PARN: variants seen among roughly 807,000 people sequenced by gnomAD.
PARN encodes poly(A)-specific ribonuclease, also known as poly(A)-specific ribonuclease PARN.
In PARN, 71 loss-of-function variants were observed where a neutral mutation model predicts 102.8. The ratio of observed to expected loss-of-function variants is 0.69; its 90% CI spans 0.57 to 0.84. PARN has a LOEUF of 0.84. PARN is among the 40% of genes least tolerant of loss of function. The pLI is 0.00. For synonymous variants in PARN, 261 were observed against 252.9 expected (o/e 1.03, Z -0.30); for missense variants, 782 against 760.9 (o/e 1.03, Z -0.33).
At chr16:14,508,679 G>A (rs1965026693) in intron 21 of PARN, among the ~76,000 whole-genome samples, 1 of 151,470 alleles carries the variant, frequency 6.6e-6, no homozygotes, top group Non-Finnish European at 1.5e-5. Flanking sequence ...AACATTGTAG[G>A]CTGACAATTT....
chr16:14,541,430 G>GT (rs1966839693), intron 21 of PARN, among the ~76,000 whole-genome samples: 1 of 152,082 alleles, frequency 6.6e-6, no homozygotes, highest in African/African-American at 2.4e-5. Context: ...AAAGTTTGTA[G>GT]TTTGAGTCTA....
At chr16:14,569,188 G>C (rs929090792) in intron 18 of PARN, among the ~76,000 whole-genome samples, 1 of 151,798 alleles carries the variant, frequency 6.6e-6, no homozygotes, top group Middle Eastern at 3.2e-3. Flanking sequence ...CTCCAGCCTG[G>C]GCGATGGAGG....
intron 23 of PARN, among the ~76,000 whole-genome samples, chr16:14,443,094 T>C (rs1961017979): frequency 6.6e-6 from 1 of 152,106 alleles, no homozygotes; most frequent in Non-Finnish European, 1.5e-5. Flanking sequence ...TGGGAAAGAG[T>C]ATCTGCACCT....
At position 14,555,698 on chromosome 16, in the gene PARN, A is replaced by C; in HGVS notation, c.1274T>G (p.Met425Arg). The C allele has an allele frequency of 6.8e-7, 1 of 1,480,702 alleles. No homozygotes were observed. Among genetic ancestry groups the C allele is most frequent in the Non-Finnish European group, 9.2e-7 (1 of 1,088,980 alleles). The allele number at this position is 1,480,702 out of a possible 1,614,324, so 91.7% of individuals were successfully genotyped here. Residue 425 changes from methionine (M) to arginine (R), a missense_variant, in exon 19 of 24, where the codon ATG (methionine) becomes AGG (arginine). Met to Arg is a moderately conservative substitution (Grantham distance 91). Transcript: ENST00000437198. ...TAGATAGGGGATATCCATGACCCTC[A>C]TAAGAAATAACCTACAAGAAGAAAA... ...IEPFFNKLFLMRVMDIPYLNL... is the reference protein window; with the variant it reads ...IEPFFNKLFLRRVMDIPYLNL...
chr16:14,568,749 G>C (rs892378437), intron 18 of PARN, among the ~76,000 whole-genome samples: 1 of 151,874 alleles, frequency 6.6e-6, no homozygotes, highest in Non-Finnish European at 1.5e-5. Context: ...CAAAAAGTTA[G>C]CAGGGCATGG....
intron 19 of PARN, among the ~76,000 whole-genome samples, chr16:14,554,871 A>G (rs1967561453): frequency 6.6e-6 from 1 of 152,206 alleles, no homozygotes; most frequent in Non-Finnish European, 1.5e-5. Context: ...TAAATGGACT[A>G]ATTGTTAAGT....
intron 18 of PARN, 70 bp downstream of exon 18, chr16:14,580,804 C>T: frequency 2.3e-6 from 2 of 860,018 alleles, no homozygotes; most frequent in Non-Finnish European, 3.8e-6. Context: ...TAACTCCAAA[C>T]TGACATCCCA....
Position 14,436,664 on chromosome 16 carries a change from C to A in PARN, c.*53G>T. On this transcript the variant is annotated 3_prime_UTR_variant, in exon 24 of 24. Transcript: ENST00000437198. Reference sequence around the variant, plus strand: ...ACAGTGCGGCTTCCAAATGTGCCAGCCGGCTCTTGCTCACAGCGACAGCAC... The same window carrying A: ...ACAGTGCGGCTTCCAAATGTGCCAGACGGCTCTTGCTCACAGCGACAGCAC... The A allele has an allele frequency of 7.4e-7, 1 of 1,348,840 alleles. No individual in the cohort carries two copies. The highest frequency in any genetic ancestry group is 1.8e-4 in the Middle Eastern group (1 of 5,514). The allele number at this position is 1,348,840 out of a possible 1,614,324, so 83.6% of individuals were successfully genotyped here. A position where few individuals can be genotyped will look rare whatever the true frequency, so the allele number is the denominator to read the frequency against.
rs1018330874 is a variant in PARN, at chr16:14,515,573, TAA to T, written c.1481-32748_1481-32747del. Among the ~76,000 whole-genome samples the T allele has an allele frequency of 7.2e-5, 11 of 152,122 alleles. No homozygotes were observed. In the East Asian group the frequency reaches 2.1e-3, roughly 29 times the overall value. On this transcript the variant is annotated intron_variant, in intron 21 of 23. Coordinates refer to ENST00000437198, the MANE Select transcript of PARN (RefSeq NM_002582.4). ...TGAATGCATGACAGAAGGACACGCC[TAA>T]AAAAGAGATGAAAAGCTGTACCTAA...
chr16:14,608,271 A>G lies in PARN; in HGVS notation c.659+10T>C. The G allele has an allele frequency of 1.3e-6, 2 of 1,522,932 alleles. No individual in the cohort carries two copies. The highest frequency in any genetic ancestry group is 1.8e-6 in the Non-Finnish European group (2 of 1,123,228). 94.3% of individuals were successfully genotyped at this position (1,522,932 alleles called of 1,614,324 possible). On this transcript the variant is annotated intron_variant, in intron 9 of 23. Transcript: ENST00000437198. ...CCCACAGAGCTGCTGCATACAATAT[A>G]AATACTTACTTCCAGCTCAAAGTCT... is the stretch of plus-strand genomic sequence containing the variant.
chr16:14,482,891 C>T (rs894837913), intron 21 of PARN, 64 bp from the exon 22 acceptor site: 4 of 1,403,658 alleles, frequency 2.8e-6, no homozygotes, highest in Non-Finnish European at 3.8e-6. Context: ...AAAGATGACA[C>T]TTTTGAAATG....
intron 1 of PARN, 59 bp from the exon 2 acceptor site, chr16:14,629,733 A>G: frequency 2.3e-6 from 3 of 1,277,106 alleles, no homozygotes; most frequent in Non-Finnish European, 3.4e-6. Context: ...CTAAGGGGAG[A>G]GGGAAGGAGG....
intron 18 of PARN, among the ~76,000 whole-genome samples, chr16:14,565,598 A>G (rs924623288): frequency 1.8e-4 from 27 of 152,278 alleles, no homozygotes; most frequent in Non-Finnish European, 3.5e-4. Flanking sequence ...ACAATCCAAC[A>G]GTCTAAGTCA....
chr16:14,601,930 G>C (rs1039919933), intron 11 of PARN: 1 of 149,460 alleles, frequency 6.7e-6, no homozygotes, highest in African/African-American at 2.5e-5. Flanking sequence ...TTGCTTTTTT[G>C]GTTTTGTTTT....
At chr16:14,493,994 A>G (rs1224251550) in intron 21 of PARN, among the ~76,000 whole-genome samples, 1 of 152,222 alleles carries the variant, frequency 6.6e-6, no homozygotes, top group African/African-American at 2.4e-5. Context: ...CCCTCGAACA[A>G]TCTGTGTTTG....
intron 21 of PARN, among the ~76,000 whole-genome samples, chr16:14,492,100 C>G (rs985754386): frequency 6.6e-6 from 1 of 152,200 alleles, no homozygotes; most frequent in East Asian, 1.9e-4. Flanking sequence ...GTCCTTCATG[C>G]TTCCTTTCAT....
At chr16:14,483,425 C>G (rs1196903280) in intron 21 of PARN, among the ~76,000 whole-genome samples, 1 of 152,122 alleles carries the variant, frequency 6.6e-6, no homozygotes, top group Non-Finnish European at 1.5e-5. Flanking sequence ...GCAGACCATC[C>G]CTGGGTGAAT....
intron 13 of PARN, among the ~76,000 whole-genome samples, chr16:14,591,147 C>G (rs934411346): frequency 6.6e-6 from 1 of 151,918 alleles, no homozygotes. Context: ...TCCCAGCACT[C>G]TGGGAGGCCA....
intron 15 of PARN, 88 bp from the exon 16 acceptor site, chr16:14,584,510 C>G: frequency 9.3e-7 from 1 of 1,075,098 alleles, no homozygotes; most frequent in Non-Finnish European, 1.4e-6. Flanking sequence ...AAAAAAAAGA[C>G]AGCATCTAGT....
Sources: allele counts gnomAD v4.1 joint callset (sites outside exome capture counted in the v4.1 genomes callset), GRCh38; gene constraint gnomAD v4.1.1; transcripts MANE v1.5; gene names NCBI Gene and HGNC (gene_info 2026-07-23, HGNC 2026-07-21).